The following DOCK8 variants were observed in gnomAD, a reference collection of about 807,000 sequenced individuals.
DOCK8 encodes dedicator of cytokinesis 8.
In DOCK8, 141 loss-of-function variants were observed where a neutral mutation model predicts 245.6. The observed-to-expected ratio is 0.57, with a 90% CI of 0.50 to 0.66. The LOEUF is 0.66. DOCK8 is among the 30% of genes least tolerant of loss of function. The pLI is 0.00. For missense variants in DOCK8, 2,965 were observed against 2,603.4 expected, an observed-to-expected ratio of 1.14 and a Z score of -3.02; for synonymous variants, 1,168 against 970.2, an observed-to-expected ratio of 1.20 and a Z score of -3.79.
intron 26 of DOCK8, among the ~76,000 whole-genome samples, chr9:401,160 T>G (rs2055081334): frequency 6.7e-6 from 1 of 149,440 alleles, no homozygotes; most frequent in African/African-American, 2.6e-5. Flanking sequence ...TTAGATAAGT[T>G]TTTCCAATTT....
chr9:426,720 T>A (rs934494277), intron 33 of DOCK8, among the ~76,000 whole-genome samples, 165 bp from the exon 34 acceptor site: 3 of 152,208 alleles, frequency 2.0e-5, no homozygotes, highest in Admixed American at 1.3e-4. Context: ...AAGACATGAA[T>A]CACAGAAGGC....
intron 1 of DOCK8, among the ~76,000 whole-genome samples, chr9:232,699 A>G (rs2047145178): frequency 6.6e-6 from 1 of 152,172 alleles, no homozygotes; most frequent in South Asian, 2.1e-4. Context: ...TGTTTATAGT[A>G]TTCTCTGATG....
chr9:343,649 C>T (rs370669702), intron 14 of DOCK8, among the ~76,000 whole-genome samples: 1 of 152,184 alleles, frequency 6.6e-6, no homozygotes, highest in Non-Finnish European at 1.5e-5. Context: ...TCATTCCTTA[C>T]ATCTAAACTT....
In DOCK8 at chr9:311,993, G is replaced by A. The variant is rs146771524; in HGVS notation, c.568G>A (p.Gly190Arg). ...RHLNVLCDVS[G>R]KGPVTACDFD... Reference sequence around the variant, plus strand: ...CTTAAACGTGCTGTGCGACGTGTCTGGGAAAGGCCCCGTCACTGCCTGTGA... The same window carrying A: ...CTTAAACGTGCTGTGCGACGTGTCTAGGAAAGGCCCCGTCACTGCCTGTGA... Residue 190 changes from glycine to arginine, a missense_variant, in exon 6 of 48, where the codon GGG (glycine) becomes AGG (arginine). By Grantham distance (125) the Gly-to-Arg change is moderately radical (BLOSUM62 -2). This residue lies in a region of DOCK8 where 2,825 missense variants were observed against 2,453.5 expected (regional missense o/e 1.15). Transcript: ENST00000432829. 1.4e-5 allele frequency: 23 copies of A among 1,614,162 alleles called. No homozygotes were observed. The African/African-American group carries it at 3.1e-4, about 22-fold the overall frequency.
intron 9 of DOCK8, among the ~76,000 whole-genome samples, chr9:330,921 C>T (rs2050981051): frequency 6.6e-6 from 1 of 152,202 alleles, no homozygotes; most frequent in South Asian, 2.1e-4. Flanking sequence ...ATAGTATCTG[C>T]TGGTCTGGTC....
chr9:318,575 A>C (rs1330462188), intron 7 of DOCK8, among the ~76,000 whole-genome samples: 1 of 152,232 alleles, frequency 6.6e-6, no homozygotes, highest in Non-Finnish European at 1.5e-5. Flanking sequence ...TCTTGATATT[A>C]TAGTCTCCTC....
intron 28 of DOCK8, among the ~76,000 whole-genome samples, chr9:408,365 T>G (rs2131558384): frequency 6.6e-6 from 1 of 152,340 alleles, no homozygotes; most frequent in Non-Finnish European, 1.5e-5. Flanking sequence ...AATCTCATGC[T>G]TTTAGCTCTC....
intron 1 of DOCK8, among the ~76,000 whole-genome samples, chr9:247,555 AGG>A (rs1157735009): frequency 6.6e-6 from 1 of 152,030 alleles, no homozygotes; most frequent in Non-Finnish European, 1.5e-5. Flanking sequence ...TTTGTTTGAG[AGG>A]GAGTCTCGCT....
chr9:267,484 G>A (rs570490019), intron 1 of DOCK8, among the ~76,000 whole-genome samples: 5 of 152,316 alleles, frequency 3.3e-5, no homozygotes, highest in East Asian at 1.9e-4. Context: ...GGGATTACAG[G>A]CATGAGCCAC....
chr9:320,068 A>G (rs2050520061), intron 7 of DOCK8, among the ~76,000 whole-genome samples: 1 of 152,264 alleles, frequency 6.6e-6, no homozygotes. Context: ...TCAAAATGCT[A>G]GATTCTGGGG....
At chr9:292,159 T>C (rs2049067925) in intron 4 of DOCK8, among the ~76,000 whole-genome samples, 1 of 148,306 alleles carries the variant, frequency 6.7e-6, no homozygotes, top group African/African-American at 2.5e-5. Flanking sequence ...TCACCTGAGG[T>C]TGGGAGTTTG....
At position 368,562 on chromosome 9, in the gene DOCK8, T is replaced by C. The variant is rs531287099; in HGVS notation, c.1797+427T>C. The C allele has an allele frequency of 1.2e-4, 46 of 396,416 alleles. No individual in the cohort carries two copies. The Admixed American group carries it at 1.5e-3, about 13-fold the overall frequency. 24.6% of individuals were successfully genotyped at this position (396,416 alleles called of 1,614,324 possible). A position where few individuals can be genotyped will look rare whatever the true frequency, so the allele number is the denominator to read the frequency against. Reference sequence around the variant, plus strand: ...CTCAAGCCTCGGACCACAGTGCTGATGAATACAAAGTACCGCCTAGTAATT... The same window carrying C: ...CTCAAGCCTCGGACCACAGTGCTGACGAATACAAAGTACCGCCTAGTAATT... On this transcript the variant is annotated intron_variant, in intron 15 of 47. Transcript: ENST00000432829.
intron 1 of DOCK8, among the ~76,000 whole-genome samples, chr9:267,230 G>C (rs1479830997): frequency 6.6e-6 from 1 of 152,108 alleles, no homozygotes; most frequent in Non-Finnish European, 1.5e-5. Context: ...TTTGAGACAG[G>C]GTCTCACTTT....
intron 2 of DOCK8, among the ~76,000 whole-genome samples, chr9:276,180 T>G (rs1356748662): frequency 6.7e-6 from 1 of 149,930 alleles, no homozygotes; most frequent in African/African-American, 2.5e-5. Context: ...CTTGAGCCAC[T>G]GCGCTCGGCC....
chr9:400,803 C>T (rs1431347190), intron 26 of DOCK8, among the ~76,000 whole-genome samples: 14 of 92,452 alleles, frequency 1.5e-4, no homozygotes, highest in Admixed American at 3.3e-4. Context: ...ACCACCACCT[C>T]CACCATCACC....
chr9:449,216 GGT>G (rs2057356104), intron 44 of DOCK8, among the ~76,000 whole-genome samples: 1 of 152,160 alleles, frequency 6.6e-6, no homozygotes, highest in Non-Finnish European at 1.5e-5. Context: ...TGGGTGTGGT[GGT>G]GCATGCCTGT....
In DOCK8 at chr9:386,428, T is replaced by G. The variant is rs1183814824; in HGVS notation, c.2874+2T>G. ...GCCCCAAGGCCAGCCAGCAAAAAGG[T>G]ACTGAAGAGAGCAATGTGAGGTTCA... On this transcript the variant is annotated splice_donor_variant, in intron 23 of 47. Transcript: ENST00000432829. LOFTEE classifies it high-confidence loss of function. 1 of 1,612,518 alleles carries G rather than the reference T, an allele frequency of 6.2e-7. No individual in the cohort carries two copies. Among genetic ancestry groups the G allele is most frequent in the African/African-American group, 1.3e-5 (1 of 74,868 alleles).
At chr9:217,597 G>A (rs4741635) in intron 1 of DOCK8, among the ~76,000 whole-genome samples, 21,601 of 152,200 alleles carry the variant, frequency 0.14, 1,868 homozygotes, top group East Asian at 0.38. Flanking sequence ...CACTCTGTGT[G>A]TTGTGTGGGA....
chr9:447,225 G>C (rs772640380), intron 44 of DOCK8, among the ~76,000 whole-genome samples: 4 of 152,082 alleles, frequency 2.6e-5, no homozygotes, highest in Non-Finnish European at 4.4e-5. Flanking sequence ...TGGTCAAGAA[G>C]GTCTCTCAAA....
Sources: gnomAD v4.1 joint callset for allele counts (sites outside exome capture counted in the v4.1 genomes callset) on GRCh38, gnomAD v4.1.1 for gene constraint, gnomAD v4.1.1 regional missense constraint, MANE v1.5 for transcripts, NCBI Gene and HGNC (gene_info 2026-07-23, HGNC 2026-07-21) for gene names.